The following ZNF787 variants were observed in gnomAD, a reference collection of about 807,000 sequenced individuals.
ZNF787 encodes TTF-I-interacting peptide 20.
Under a neutral mutation model 16.9 loss-of-function variants are expected in ZNF787, and 7 were observed. The observed-to-expected ratio is 0.42, with a 90% confidence interval of 0.24 to 0.78. ZNF787 has a LOEUF of 0.78. Ranked by LOEUF, ZNF787 falls within the 30% of genes least tolerant of loss-of-function variation. ZNF787 has a pLI of 0.30. For missense variants in ZNF787, 551 were observed against 589.3 expected (o/e 0.94, Z 0.67); for synonymous variants, 345 against 270.9 (o/e 1.27, Z -2.69).
rs1188616436 is a variant in ZNF787 at position 56,105,913 on chromosome 19, T to C, written c.-10-2686A>G. On this transcript the variant is annotated intron_variant, in intron 1 of 2. Transcript: ENST00000610935. Reference sequence around the variant, plus strand: ...CCGCGCCCACGGCAGTCACCGCGCATTCCGCCCTCCGCGCCCACGGCAGTC... The same window carrying C: ...CCGCGCCCACGGCAGTCACCGCGCACTCCGCCCTCCGCGCCCACGGCAGTC... 2.3e-4 allele frequency among the ~76,000 whole-genome samples: 33 copies of C among 146,620 alleles called. No individual in the cohort carries two copies. In the East Asian group the frequency reaches 6.5e-3, roughly 29 times the overall value.
intron 1 of ZNF787, among the ~76,000 whole-genome samples, chr19:56,114,525 T>C (rs1199412986): frequency 1.3e-5 from 2 of 151,400 alleles, no homozygotes; most frequent in African/African-American, 2.4e-5. Context: ...CGGCCAGGCC[T>C]GGTCTCTCTC....
chr19:56,090,324 G>A (rs1215985686), intron 2 of ZNF787, among the ~76,000 whole-genome samples: 3 of 151,990 alleles, frequency 2.0e-5, no homozygotes, highest in Admixed American at 1.3e-4. Context: ...TCGAGTCACA[G>A]CCCACAGCTA....
chr19:56,102,663 C>T, intron 2 of ZNF787: 1 of 515,472 alleles, frequency 1.9e-6, no homozygotes, highest in Non-Finnish European at 3.4e-6. Context: ...TGCGGGTTCC[C>T]TGCACTCCTG....
At chr19:56,109,378 C>A (rs886378493) in intron 1 of ZNF787, among the ~76,000 whole-genome samples, 5 of 152,044 alleles carry the variant, frequency 3.3e-5, no homozygotes, top group Non-Finnish European at 7.4e-5. Flanking sequence ...CAGATGAAAC[C>A]CCACGTGAAA....
rs565359117 is a variant in ZNF787, at chr19:56,099,449, A to G, written c.79+3690T>C. ...GGAGTCACACCAGGTGCGGTGGCTC[A>G]TGCCTGTAATCCCAACACTGGGAGG... On this transcript the variant is annotated intron_variant, in intron 2 of 2. Transcript: ENST00000610935. 1.4e-4 allele frequency among the ~76,000 whole-genome samples: 22 copies of G among 152,336 alleles called. No homozygotes were observed. In the East Asian group the frequency reaches 3.7e-3, roughly 25 times the overall value.
intron 2 of ZNF787, among the ~76,000 whole-genome samples, chr19:56,099,310 G>A (rs542985196): frequency 6.6e-6 from 1 of 152,326 alleles, no homozygotes; most frequent in Admixed American, 6.5e-5. Context: ...TGGTGCCCCA[G>A]GGAGTGATCT....
intron 1 of ZNF787, among the ~76,000 whole-genome samples, chr19:56,104,885 T>C (rs927928814): frequency 6.6e-6 from 1 of 151,850 alleles, no homozygotes; most frequent in African/African-American, 2.4e-5. Flanking sequence ...TCCCAGCACT[T>C]TGAGAGGCCA....
At chr19:56,091,655 C>T (rs1242779295) in intron 2 of ZNF787, among the ~76,000 whole-genome samples, 1 of 152,236 alleles carries the variant, frequency 6.6e-6, no homozygotes, top group East Asian at 1.9e-4. Context: ...GGCGATCTGG[C>T]TTCTCTACAG....
intron 1 of ZNF787, among the ~76,000 whole-genome samples, chr19:56,106,175 T>G (rs1370088845): frequency 6.6e-6 from 1 of 152,198 alleles, no homozygotes; most frequent in Non-Finnish European, 1.5e-5. Context: ...CCTCTGGACT[T>G]GCTGCCGTGT....
At chr19:56,101,325 T>G in intron 2 of ZNF787, among the ~76,000 whole-genome samples, 1 of 152,230 alleles carries the variant, frequency 6.6e-6, no homozygotes, top group South Asian at 2.1e-4. Context: ...AGCAAGGGCG[T>G]CACGCAGGGG....
At chr19:56,114,405 C>T (rs636245) in intron 1 of ZNF787, among the ~76,000 whole-genome samples, 1,922 of 42,608 alleles carry the variant, frequency 0.045, 258 homozygotes, top group African/African-American at 0.1. Flanking sequence ...AGTCCTCCAC[C>T]TGCCCTGGCC....
Position 56,088,006 on chromosome 19 carries a change from C to CAA in ZNF787, c.*16_*17insTT. On this transcript the variant is annotated 3_prime_UTR_variant, in exon 3 of 3. Transcript: ENST00000610935. This position sits in a 1 kb window ranked among gnomAD's most constrained non-coding sequence, Gnocchi z 8.6. Reference sequence around the variant, plus strand: ...AGCCCGAGGGGCCCTGCCCGCCCCCCCCCCCGGGCCCCTCCCCTACCGGCC... The same window carrying CAA: ...AGCCCGAGGGGCCCTGCCCGCCCCCCAACCCCCGGGCCCCTCCCCTACCGGCC... The CAA allele has an allele frequency of 8.4e-7, 1 of 1,195,434 alleles. No individual in the cohort carries two copies. Among genetic ancestry groups the CAA allele is most frequent in the Non-Finnish European group, 1.0e-6 (1 of 961,356 alleles). The allele number at this position is 1,195,434 out of a possible 1,614,324, so 74.1% of individuals were successfully genotyped here.
chr19:56,097,343 A>C (rs1985909146), intron 2 of ZNF787, among the ~76,000 whole-genome samples: 1 of 152,260 alleles, frequency 6.6e-6, no homozygotes, highest in South Asian at 2.1e-4. Flanking sequence ...CTAAGGTTTC[A>C]AAAACGCCCC....
chr19:56,098,358 C>G (rs963278745), intron 2 of ZNF787, among the ~76,000 whole-genome samples: 2 of 152,254 alleles, frequency 1.3e-5, no homozygotes, highest in Non-Finnish European at 2.9e-5. Flanking sequence ...AGAACCCATT[C>G]TCCTCTCACA....
chr19:56,093,328 T>C (rs1985736352), intron 2 of ZNF787, among the ~76,000 whole-genome samples: 1 of 151,986 alleles, frequency 6.6e-6, no homozygotes, highest in Non-Finnish European at 1.5e-5. Context: ...AAGTGGAATA[T>C]TCCATAGACG....
chr19:56,088,964 C>T lies in ZNF787; in HGVS notation c.208G>A (p.Glu70Lys). Residue 70 changes from glutamate (E) to lysine (K), a missense_variant, in exon 3 of 3, where the codon GAG (glutamate) becomes AAG (lysine). Around this residue, in one of 4 missense-constraint regions of ZNF787, gnomAD observed 80 missense variants for 105.9 expected, o/e 0.76. Coordinates refer to ENST00000610935, the MANE Select transcript of ZNF787 (RefSeq NM_001002836.4). The surrounding 1 kb of genome is among the most constrained non-coding windows in gnomAD (Gnocchi z 8.6). The part of the protein sequence containing the change: ...PRPPAPYICN[E>K]CGKSFSHWSK... The stretch of plus-strand genomic sequence containing the variant: ...CAGTGGCTAAAGCTCTTGCCACACT[C>T]GTTGCAGATGTAGGGGGCGGGCGGC... The T allele has an allele frequency of 6.5e-7, 1 of 1,539,464 alleles. No individual in the cohort carries two copies.
In ZNF787 at chr19:56,114,280, C is replaced by T. The variant is rs971690486; in HGVS notation, c.-11+6892G>A. 3.3e-5 allele frequency among the ~76,000 whole-genome samples: 5 copies of T among 152,232 alleles called. No individual in the cohort carries two copies. The East Asian group carries it at 9.7e-4, about 29-fold the overall frequency. On this transcript the variant is annotated intron_variant, in intron 1 of 2. Transcript: ENST00000610935. ...GGCCCGGTCTTTCACCCTTAAGGAC[C>T]GGCCCCACTCCTCCACTTGCCCCGG... is the stretch of plus-strand genomic sequence containing the variant.
At chr19:56,112,792 A>T (rs1351981036) in intron 1 of ZNF787, among the ~76,000 whole-genome samples, 1 of 151,538 alleles carries the variant, frequency 6.6e-6, no homozygotes, top group Non-Finnish European at 1.5e-5. Flanking sequence ...GCCTGACTCC[A>T]CAACCTCTTT....
intron 2 of ZNF787, among the ~76,000 whole-genome samples, chr19:56,097,106 C>G (rs1985902507): frequency 6.6e-6 from 1 of 152,174 alleles, no homozygotes. Context: ...CCCACCAGCC[C>G]CCAGCTCCAC....
Sources: gnomAD v4.1 joint callset for allele counts (sites outside exome capture counted in the v4.1 genomes callset) on GRCh38, gnomAD v4.1.1 for gene constraint, gnomAD v4.1.1 regional missense constraint, Gnocchi (gnomAD v3.1) non-coding constraint, MANE v1.5 for transcripts, NCBI Gene and HGNC (gene_info 2026-07-23, HGNC 2026-07-21) for gene names.